The following SYN2 variants were observed in gnomAD, a reference collection of about 807,000 sequenced individuals.
SYN2 encodes synapsin-2.
A neutral mutation model predicts 50.9 loss-of-function variants in SYN2; 19 were observed. That is an observed-to-expected ratio of 0.37 (90% CI 0.26 to 0.55). SYN2 has a LOEUF of 0.55. Among genes scored for constraint, SYN2 ranks in the 20% least tolerant of loss-of-function variants. The pLI is 0.81. For synonymous variants in SYN2, 255 were observed against 224.9 expected, an observed-to-expected ratio of 1.13 and a Z score of -1.20; for missense variants, 587 against 576.4, an observed-to-expected ratio of 1.02 and a Z score of -0.19.
intron 10 of SYN2, among the ~76,000 whole-genome samples, chr3:12,174,052 G>A (rs1049137947): frequency 3.3e-5 from 5 of 151,388 alleles, no homozygotes; most frequent in Non-Finnish European, 5.9e-5. Flanking sequence ...CCCGCCCATC[G>A]CTTGGTTTTC....
chr3:12,013,920 C>G (rs1022863729), intron 1 of SYN2, among the ~76,000 whole-genome samples: 1 of 152,168 alleles, frequency 6.6e-6, no homozygotes. Context: ...TGCATTCCTC[C>G]TCCTTGTCTT....
intron 10 of SYN2, among the ~76,000 whole-genome samples, chr3:12,180,508 G>A (rs540040990): frequency 6.6e-6 from 1 of 152,342 alleles, no homozygotes; most frequent in East Asian, 1.9e-4. Flanking sequence ...AGATCCCATG[G>A]TAGCCAAGCC....
chr3:12,160,080 CAAAG>C (rs747616940), intron 5 of SYN2, among the ~76,000 whole-genome samples: 22 of 124,460 alleles, frequency 1.8e-4, no homozygotes, highest in Admixed American at 4.8e-4. Context: ...AAAGAAAAAA[CAAAG>C]AAGCAGGGGA....
Position 12,004,528 on chromosome 3 carries a change from C to A in SYN2, c.-24C>A, listed in dbSNP as rs754327813. On this transcript the variant is annotated 5_prime_UTR_variant, in exon 1 of 13. Coordinates refer to ENST00000621198, the MANE Select transcript of SYN2 (RefSeq NM_133625.6). ...CGCGCCACCAGACCCCGTAGCCCCGCGCGCCCCCAGCCCTTTAAGCCAGAT... is the reference window on the plus strand; with the variant it reads ...CGCGCCACCAGACCCCGTAGCCCCGAGCGCCCCCAGCCCTTTAAGCCAGAT... The A allele has an allele frequency of 1.7e-6, 1 of 584,738 alleles. No individual in the cohort carries two copies. The highest frequency in any genetic ancestry group is 3.2e-6 in the Non-Finnish European group (1 of 314,620). The allele number at this position is 584,738 out of a possible 1,614,324, so 36.2% of individuals were successfully genotyped here.
At chr3:12,129,882 G>A (rs1370345609) in intron 1 of SYN2, among the ~76,000 whole-genome samples, 1 of 152,078 alleles carries the variant, frequency 6.6e-6, no homozygotes, top group East Asian at 1.9e-4. Flanking sequence ...GAGGTGATTA[G>A]GTTGAGATGA....
At chr3:12,172,537 G>A (rs777368751) in intron 10 of SYN2, among the ~76,000 whole-genome samples, 16 of 152,210 alleles carry the variant, frequency 1.1e-4, no homozygotes, top group Non-Finnish European at 2.2e-4. Flanking sequence ...ACAAAACTTC[G>A]ATTAGTTAGG....
chr3:12,190,668 T>C lies in SYN2; in HGVS notation c.*43T>C. On this transcript the variant is annotated 3_prime_UTR_variant, in exon 13 of 13. Coordinates refer to ENST00000621198, the MANE Select transcript of SYN2 (RefSeq NM_133625.6). ...GCACCCAGCCCAACCGGGAAAGGCA[T>C]CTAAGACATTCACCAACAACAGTCA... 6.3e-7 allele frequency: 1 copy of C among 1,598,172 alleles called. No individual in the cohort carries two copies. Among genetic ancestry groups the C allele is most frequent in the Non-Finnish European group, 8.5e-7 (1 of 1,172,708 alleles).
intron 10 of SYN2, among the ~76,000 whole-genome samples, chr3:12,173,907 CAAAAAG>C (rs1218176715): frequency 6.6e-6 from 1 of 152,110 alleles, no homozygotes; most frequent in African/African-American, 2.4e-5. Context: ...GACTGTGTCT[CAAAAAG>C]AAAAAGTCAT....
Position 12,190,666 on chromosome 3 carries a change from C to A in SYN2, c.*41C>A. On this transcript the variant is annotated 3_prime_UTR_variant, in exon 13 of 13. Transcript: ENST00000621198. ...GGGCACCCAGCCCAACCGGGAAAGG[C>A]ATCTAAGACATTCACCAACAACAGT... 2 of 1,598,024 alleles carry A rather than the reference C, an allele frequency of 1.3e-6. No individual in the cohort carries two copies. Among genetic ancestry groups the A allele is most frequent in the Non-Finnish European group, 1.7e-6 (2 of 1,172,650 alleles).
At chr3:12,140,836 C>T (rs1180971709) in intron 2 of SYN2, 128 bp downstream of exon 2, 5 of 693,374 alleles carry the variant, frequency 7.2e-6, no homozygotes, top group Non-Finnish European at 1.3e-5. Context: ...TCTGCATCTC[C>T]TCTCTCTCCT....
chr3:12,034,269 T>C (rs1694446368), intron 1 of SYN2, among the ~76,000 whole-genome samples: 1 of 152,228 alleles, frequency 6.6e-6, no homozygotes, highest in South Asian at 2.1e-4. Context: ...GGTTTTGGTT[T>C]GCATTTCCCT....
intron 1 of SYN2, among the ~76,000 whole-genome samples, chr3:12,106,365 C>T (rs1696191013): frequency 6.6e-6 from 1 of 152,116 alleles, no homozygotes; most frequent in Non-Finnish European, 1.5e-5. Context: ...TCAAATCTGT[C>T]TTGTAATAAC....
rs1313066687 is a variant in SYN2, at chr3:12,187,445, A to G, written c.1446A>G (p.Ser482=). 1 of 1,553,148 alleles carries G rather than the reference A, an allele frequency of 6.4e-7. No homozygotes were observed. Among genetic ancestry groups the G allele is most frequent in the African/African-American group, 1.4e-5 (1 of 73,166 alleles). ...CACGCCGGCTCCCCCCTGGACCATC[A>G]CTGCCACCTTCCTCCTCTTCCTCCT... is the stretch of plus-strand genomic sequence containing the variant. ...LPPRRLPPGP[S]LPPSSSSSSS... Residue 482 remains serine, a synonymous_variant, in exon 12 of 13, where the codon TCA becomes TCG. Coordinates refer to ENST00000621198, the MANE Select transcript of SYN2 (RefSeq NM_133625.6).
chr3:12,187,115 C>T (rs561552050), intron 11 of SYN2, among the ~76,000 whole-genome samples: 32 of 152,248 alleles, frequency 2.1e-4, no homozygotes, highest in African/African-American at 6.5e-4. Context: ...CGGGGCCGCT[C>T]GTCCCTGGTT....
chr3:12,158,687 G>A (rs372475734), intron 5 of SYN2: 33 of 1,609,036 alleles, frequency 2.1e-5, no homozygotes, highest in East Asian at 1.3e-4. Flanking sequence ...TGGACCTCGC[G>A]GACCTCGGAC....
intron 1 of SYN2, among the ~76,000 whole-genome samples, chr3:12,111,381 G>C (rs1015229208): frequency 2.0e-5 from 3 of 152,128 alleles, no homozygotes; most frequent in African/African-American, 7.2e-5. Context: ...TATTAGCAGT[G>C]TGTAAATGGA....
rs574337467 is a variant in SYN2, at chr3:12,047,535, TTCTG to T, written c.377+42608_377+42611del. ...CAATCTGTTCTGTTGTGTTATTTCT[TTCTG>T]GCATTCTTCAGCAGCTTGGGGACAC... On this transcript the variant is annotated intron_variant, in intron 1 of 12. Coordinates refer to ENST00000621198, the MANE Select transcript of SYN2 (RefSeq NM_133625.6). 2.4e-3 allele frequency among the ~76,000 whole-genome samples: 372 copies of T among 152,296 alleles called. 1 individual carries two copies. The highest frequency in any genetic ancestry group is 8.4e-3 in the African/African-American group (351 of 41,570).
At chr3:12,005,751 C>T (rs1452113065) in intron 1 of SYN2, among the ~76,000 whole-genome samples, 2 of 139,048 alleles carry the variant, frequency 1.4e-5, no homozygotes, top group Non-Finnish European at 1.5e-5. Flanking sequence ...AGATGGGAAA[C>T]TTCAATAATT....
intron 1 of SYN2, among the ~76,000 whole-genome samples, chr3:12,069,982 A>G (rs1464249823): frequency 6.6e-6 from 1 of 151,784 alleles, no homozygotes; most frequent in African/African-American, 2.4e-5. Context: ...AATTTTTAGT[A>G]GATATGAGGT....
Sources: gnomAD v4.1 joint callset for allele counts (sites outside exome capture counted in the v4.1 genomes callset) on GRCh38, gnomAD v4.1.1 for gene constraint, MANE v1.5 for transcripts, NCBI Gene and HGNC (gene_info 2026-07-23, HGNC 2026-07-21) for gene names.